The following ETV1 variants were observed in gnomAD, a reference collection of about 807,000 sequenced individuals.
ETV1 encodes ETS translocation variant 1.
Under a neutral mutation model 62.3 loss-of-function variants are expected in ETV1, and 27 were observed. The observed-to-expected ratio is 0.43, with a 90% CI of 0.32 to 0.60. The LOEUF is 0.60. ETV1 is among the 20% of genes least tolerant of loss of function. ETV1 has a pLI of 0.06. For synonymous variants in ETV1, 222 were observed against 199.6 expected (o/e 1.11, Z -0.94); for missense variants, 605 against 605.8 (o/e 1.00, Z 0.01).
chr7:13,947,208 G>C (rs1788265521), intron 6 of ETV1, among the ~76,000 whole-genome samples: 2 of 152,112 alleles, frequency 1.3e-5, no homozygotes, highest in Non-Finnish European at 2.9e-5. Context: ...TAAATCCAGA[G>C]AATGAACAAT....
chr7:13,956,254 T>A (rs1019370624), intron 6 of ETV1, among the ~76,000 whole-genome samples: 1 of 152,172 alleles, frequency 6.6e-6, no homozygotes, highest in Non-Finnish European at 1.5e-5. Context: ...CCTTCTTAAA[T>A]GTTCGTTAAA....
intron 3 of ETV1, 48 bp downstream of exon 3, chr7:13,988,960 C>A: frequency 1.3e-6 from 2 of 1,549,546 alleles, no homozygotes; most frequent in South Asian, 2.3e-5. Flanking sequence ...CTCCCCACCC[C>A]CGACGGAGTC....
At chr7:13,976,897 A>G (rs939422888) in intron 6 of ETV1, among the ~76,000 whole-genome samples, 18 of 152,362 alleles carry the variant, frequency 1.2e-4, no homozygotes, top group Middle Eastern at 3.4e-3. Context: ...TGCTACTGCA[A>G]CCAGGAAGCA....
intron 6 of ETV1, 35 bp downstream of exon 6, chr7:13,977,391 CA>C (rs1286647283): frequency 7.2e-7 from 1 of 1,385,908 alleles, no homozygotes; most frequent in African/African-American, 1.5e-5. Flanking sequence ...ACCAGAAAGA[CA>C]GAAAAATACA....
At chr7:13,908,897 A>C (rs901513667) in intron 11 of ETV1, among the ~76,000 whole-genome samples, 1 of 152,092 alleles carries the variant, frequency 6.6e-6, no homozygotes, top group Admixed American at 6.6e-5. Flanking sequence ...GGAAATATGA[A>C]AACCACTCTG....
At chr7:13,919,635 TA>T in intron 9 of ETV1, among the ~76,000 whole-genome samples, 1 of 150,294 alleles carries the variant, frequency 6.7e-6, no homozygotes. Context: ...TTTAATCTGA[TA>T]AAAATTCCTT....
intron 11 of ETV1, among the ~76,000 whole-genome samples, chr7:13,907,165 T>C (rs1783057608): frequency 6.6e-6 from 1 of 152,186 alleles, no homozygotes; most frequent in Non-Finnish European, 1.5e-5. Flanking sequence ...CTTCACTTTA[T>C]ATAAATAAGG....
At chr7:13,988,908 C>G (rs1234613591) in intron 3 of ETV1, 100 bp downstream of exon 3, 1 of 1,506,100 alleles carries the variant, frequency 6.6e-7, no homozygotes, top group Non-Finnish European at 9.1e-7. Context: ...TAAGTATCTG[C>G]AATCCCAACC....
chr7:13,930,861 T>C (rs570575170), intron 9 of ETV1, among the ~76,000 whole-genome samples: 12 of 151,494 alleles, frequency 7.9e-5, no homozygotes, highest in East Asian at 2.0e-4. Flanking sequence ...AGTGCAGTGG[T>C]GCGATCTCGG....
At chr7:13,912,662 T>C (rs183213481) in intron 9 of ETV1, among the ~76,000 whole-genome samples, 11 of 152,318 alleles carry the variant, frequency 7.2e-5, no homozygotes, top group African/African-American at 2.6e-4. Context: ...ATTTATACTC[T>C]AGTGTAAATA....
chr7:13,970,133 C>T (rs1583844844), intron 6 of ETV1, among the ~76,000 whole-genome samples: 2 of 151,464 alleles, frequency 1.3e-5, no homozygotes, highest in South Asian at 2.1e-4. Context: ...TGGTGGCGGG[C>T]GCCTGTGGTC....
intron 9 of ETV1, among the ~76,000 whole-genome samples, chr7:13,912,317 T>C (rs975078970): frequency 3.3e-5 from 5 of 152,222 alleles, no homozygotes; most frequent in Non-Finnish European, 7.3e-5. Flanking sequence ...CTTATAAAAG[T>C]GTTTTAACAT....
intron 6 of ETV1, among the ~76,000 whole-genome samples, chr7:13,964,402 G>A (rs1790538348): frequency 6.6e-6 from 1 of 152,076 alleles, no homozygotes; most frequent in South Asian, 2.1e-4. Context: ...TATGGTTTAG[G>A]ACTAAATTCA....
At chr7:13,968,202 G>A (rs1379762841) in intron 6 of ETV1, among the ~76,000 whole-genome samples, 1 of 151,834 alleles carries the variant, frequency 6.6e-6, no homozygotes, top group Non-Finnish European at 1.5e-5. Flanking sequence ...AACTTCCTTT[G>A]AGCACATTTC....
intron 6 of ETV1, among the ~76,000 whole-genome samples, chr7:13,977,110 G>A (rs921731606): frequency 6.6e-5 from 10 of 152,198 alleles, no homozygotes; most frequent in Non-Finnish European, 1.3e-4. Flanking sequence ...ACATGTGCAT[G>A]TTCATGGATC....
intron 2 of ETV1, 26 bp from the exon 3 acceptor site, chr7:13,989,165 G>C (rs542543246): frequency 1.2e-6 from 1 of 830,390 alleles, no homozygotes; most frequent in African/African-American, 2.5e-5. Flanking sequence ...ATGGCTTTTA[G>C]GCTTAAAAAA....
At chr7:13,919,494 T>C (rs999615651) in intron 9 of ETV1, among the ~76,000 whole-genome samples, 1 of 150,780 alleles carries the variant, frequency 6.6e-6, no homozygotes, top group African/African-American at 2.4e-5. Flanking sequence ...TTTTGATACT[T>C]TTCATATTTA....
chr7:13,977,372 A>T, intron 6 of ETV1, 55 bp downstream of exon 6: 1 of 1,219,036 alleles, frequency 8.2e-7, no homozygotes, highest in East Asian at 2.6e-5. Flanking sequence ...AGAAAGAAGA[A>T]AGAAGGAAAC....
At chr7:13,963,125 T>G (rs1024526504) in intron 6 of ETV1, among the ~76,000 whole-genome samples, 1 of 152,138 alleles carries the variant, frequency 6.6e-6, no homozygotes, top group East Asian at 1.9e-4. Context: ...CCAAGGTAAC[T>G]GTGAGAATCA....
Sources: allele counts gnomAD v4.1 joint callset (sites outside exome capture counted in the v4.1 genomes callset), GRCh38; gene constraint gnomAD v4.1.1; transcripts MANE v1.5; gene names NCBI Gene and HGNC (gene_info 2026-07-23, HGNC 2026-07-21).